PASK: variants seen among roughly 807,000 people sequenced by gnomAD.
PASK encodes PAS domain containing serine/threonine kinase, also known as PAS domain-containing serine/threonine-protein kinase.
PASK carries 110 observed loss-of-function variants against 121.0 expected under a neutral mutation model. That is an observed-to-expected ratio of 0.91 (90% CI 0.78 to 1.06). The LOEUF (loss-of-function observed/expected upper bound fraction) is 1.06. Among genes scored for constraint, PASK ranks in the 50% least tolerant of loss-of-function variants. PASK has a pLI of 0.00. For missense variants in PASK, 1,643 were observed against 1,702.3 expected (o/e 0.97, Z 0.61); for synonymous variants, 686 against 717.8 (o/e 0.96, Z 0.71).
chr2:241,127,930 G>A (rs1176171336), intron 9 of PASK, among the ~76,000 whole-genome samples: 1 of 152,246 alleles, frequency 6.6e-6, no homozygotes, highest in Non-Finnish European at 1.5e-5. Flanking sequence ...GCCGACTAGG[G>A]AAATGGCTCT....
At chr2:241,138,620 G>T in intron 5 of PASK, 34 bp downstream of exon 5, 1 of 1,612,560 alleles carries the variant, frequency 6.2e-7, no homozygotes, top group Non-Finnish European at 8.5e-7. Flanking sequence ...CGGCTCCAGC[G>T]TCCATGAGAC....
chr2:241,149,369 G>C lies in PASK; in HGVS notation c.-43+45C>G. On this transcript the variant is annotated intron_variant, in intron 1 of 17. Transcript: ENST00000234040. ...GCGCAGGCCCCACAGCCGCCCTGGG[G>C]AGATGGCGGAGCCCGGCCCGCTCTC... 7.9e-6 allele frequency: 3 copies of C among 381,326 alleles called. No individual in the cohort carries two copies. In the South Asian group the frequency reaches 9.6e-5, roughly 12 times the overall value. 23.6% of individuals were successfully genotyped at this position (381,326 alleles called of 1,614,324 possible). A position where few individuals can be genotyped will look rare whatever the true frequency, so the allele number is the denominator to read the frequency against.
Position 241,127,244 on chromosome 2 carries a change from ATC to A in PASK, c.1669_1670del (p.Asp557TrpfsTer4). Reference protein sequence around the residue: ...EDSEAPVPAEDGGSDAGMCGL... With the variant: ...EDSEAPVPAEXGGSDAGMCGL... Reference sequence around the variant, plus strand: ...CACACATGCCAGCATCACTGCCCCCATCCTCAGCTGGGACTGGAGCTTCAGAA... The same window carrying A: ...CACACATGCCAGCATCACTGCCCCCACTCAGCTGGGACTGGAGCTTCAGAA... On this transcript the variant is annotated frameshift_variant, in exon 10 of 18. Coordinates refer to ENST00000234040, the MANE Select transcript of PASK (RefSeq NM_015148.4). LOFTEE classifies it high-confidence loss of function. 1 of 1,614,186 alleles carries A rather than the reference ATC, an allele frequency of 6.2e-7. No homozygotes were observed. The highest frequency in any genetic ancestry group is 8.5e-7 in the Non-Finnish European group (1 of 1,180,026).
At chr2:241,138,829 T>G in intron 4 of PASK, 35 bp from the exon 5 acceptor site, 1 of 1,612,350 alleles carries the variant, frequency 6.2e-7, no homozygotes, top group Non-Finnish European at 8.5e-7. Flanking sequence ...CTGCATGCCA[T>G]GAACCCAAAA....
At chr2:241,116,108 A>G (rs7569888) in intron 12 of PASK, among the ~76,000 whole-genome samples, 14,951 of 85,826 alleles carry the variant, frequency 0.17, 1,955 homozygotes, top group East Asian at 0.47. Context: ...GGGACACCCA[A>G]TCCTCAAGCA....
upstream of PASK, chr2:241,149,847 G>C: frequency 6.7e-7 from 1 of 1,483,094 alleles, no homozygotes; most frequent in Non-Finnish European, 8.9e-7. Context: ...GACTTGCAAG[G>C]GGAGCCCAGC....
chr2:241,124,920 AC>A (rs773406909), intron 10 of PASK, among the ~76,000 whole-genome samples: 65 of 152,310 alleles, frequency 4.3e-4, no homozygotes, highest in Non-Finnish European at 6.8e-4. Flanking sequence ...TAATCTCAGC[AC>A]TTTGGGAGGC....
chr2:241,142,463 C>T (rs765574916), intron 2 of PASK, among the ~76,000 whole-genome samples: 2 of 152,224 alleles, frequency 1.3e-5, no homozygotes, highest in Admixed American at 6.5e-5. Context: ...AGCTAAACCG[C>T]GTTTAGCTCA....
At chr2:241,140,222 C>T (rs36098957) in intron 3 of PASK, among the ~76,000 whole-genome samples, 167 bp from the exon 4 acceptor site, 10 of 111,320 alleles carry the variant, frequency 9.0e-5, no homozygotes, top group East Asian at 3.6e-4. Context: ...CTCACTGCAG[C>T]GGCGCAATCA....
chr2:241,127,857 C>T (rs995615442), intron 9 of PASK: 1 of 333,122 alleles, frequency 3.0e-6, no homozygotes, highest in African/African-American at 2.2e-5. Flanking sequence ...TTGGAGAGTC[C>T]CTGGTAAACT....
At chr2:241,136,460 G>A (rs950109231) in intron 7 of PASK, among the ~76,000 whole-genome samples, 9 of 152,074 alleles carry the variant, frequency 5.9e-5, no homozygotes, top group Admixed American at 5.9e-4. Context: ...TCTGACAGAT[G>A]CTTCCTCTGA....
chr2:241,136,993 G>C lies in PASK; in HGVS notation c.1137+11C>G. The C allele has an allele frequency of 6.2e-7, 1 of 1,612,004 alleles. No individual in the cohort carries two copies. The highest frequency in any genetic ancestry group is 8.5e-7 in the Non-Finnish European group (1 of 1,179,722). ...CAGGGAACGGGAGCCAGGCGCCCAG[G>C]GCAGCCCCACCTTGCCCAGGAGCTC... On this transcript the variant is annotated intron_variant, in intron 7 of 17. Transcript: ENST00000234040.
In PASK at chr2:241,112,753, G is replaced by T; in HGVS notation, c.3334-314C>A. On this transcript the variant is annotated intron_variant, in intron 14 of 17. Transcript: ENST00000234040. This position sits in a 1 kb window ranked among gnomAD's most constrained non-coding sequence, Gnocchi z 5.2. ...ACTCGCCCCCACCAACGCACACCAT[G>T]CCTATTTCAGGAGGAAAGACAGGCC... 2.9e-6 allele frequency: 1 copy of T among 342,532 alleles called. No individual in the cohort carries two copies. Among genetic ancestry groups the T allele is most frequent in the Non-Finnish European group, 5.5e-6 (1 of 181,486 alleles). 21.2% of individuals were successfully genotyped at this position (342,532 alleles called of 1,614,324 possible).
At chr2:241,140,381 C>T in intron 3 of PASK, 140 bp downstream of exon 3, 3 of 736,192 alleles carry the variant, frequency 4.1e-6, no homozygotes, top group Non-Finnish European at 7.3e-6. Flanking sequence ...TGGTCTTGAA[C>T]TCCTGGGCTC....
chr2:241,146,889 C>T (rs2066981911), intron 1 of PASK, among the ~76,000 whole-genome samples: 1 of 152,180 alleles, frequency 6.6e-6, no homozygotes. Context: ...TGCCTTTATT[C>T]TTTTGTATGA....
At chr2:241,133,390 C>A in intron 8 of PASK, 2 of 370,234 alleles carry the variant, frequency 5.4e-6, no homozygotes, top group South Asian at 4.5e-5. Context: ...TCCACCTGGC[C>A]TCCCTGCCAT....
intron 8 of PASK, among the ~76,000 whole-genome samples, chr2:241,135,016 G>A (rs1407809541): frequency 1.3e-5 from 2 of 152,220 alleles, no homozygotes; most frequent in Non-Finnish European, 2.9e-5. Flanking sequence ...CCAGGGGCCT[G>A]CTCCTTACCA....
intron 15 of PASK, among the ~76,000 whole-genome samples, chr2:241,111,706 G>A (rs182617435): frequency 1.3e-4 from 19 of 151,936 alleles, no homozygotes; most frequent in African/African-American, 3.1e-4. Context: ...CAAGGACGCC[G>A]CTTCTCCCCA....
intron 10 of PASK, among the ~76,000 whole-genome samples, chr2:241,125,609 G>GAAAAAAAAAAAAAAAA (rs11353969): frequency 3.4e-5 from 4 of 118,394 alleles, no homozygotes; most frequent in African/African-American, 5.9e-5. Context: ...CAAAAAAAAA[G>GAAAAAAAAAAAAAAAA]AAAAAAAAAA....
Sources: allele counts gnomAD v4.1 joint callset (sites outside exome capture counted in the v4.1 genomes callset), GRCh38; gene constraint gnomAD v4.1.1; non-coding constraint Gnocchi (gnomAD v3.1); transcripts MANE v1.5; gene names NCBI Gene and HGNC (gene_info 2026-07-23, HGNC 2026-07-21).